RFC3: variants seen among roughly 807,000 people sequenced by gnomAD.
The protein encoded by RFC3 is A1 38 kDa subunit.
Under a neutral mutation model 45.1 loss-of-function variants are expected in RFC3, and 41 were observed. That is an observed-to-expected ratio of 0.91 (90% confidence interval 0.71 to 1.18). The LOEUF is 1.18. Among genes scored for constraint, RFC3 ranks in the 50% most tolerant of loss-of-function variants. RFC3 has a pLI of 0.00. For synonymous variants in RFC3, 149 were observed against 144.0 expected (o/e 1.03, Z -0.25); for missense variants, 423 against 428.1 (o/e 0.99, Z 0.10).
intron 8 of RFC3, among the ~76,000 whole-genome samples, chr13:33,965,849 C>T (rs1248510416): frequency 6.6e-6 from 1 of 152,090 alleles, no homozygotes; most frequent in Non-Finnish European, 1.5e-5. Context: ...TGACATATGC[C>T]CTCAGCTTGA....
rs578245307 is a variant in RFC3 at position 33,836,468 on chromosome 13, A to G, written c.*173A>G. 418 of 1,392,802 alleles carry G rather than the reference A, an allele frequency of 3.0e-4. 1 individual carries two copies. The Middle Eastern group carries it at 3.2e-3, about 11-fold the overall frequency. The allele number at this position is 1,392,802 out of a possible 1,614,324, so 86.3% of individuals were successfully genotyped here. On this transcript the variant is annotated 3_prime_UTR_variant, in exon 9 of 9. Coordinates refer to ENST00000380071, the MANE Select transcript of RFC3 (RefSeq NM_002915.4). ...CTCTGAGTTAAATAATTGCTCCTAT[A>G]CTATTGAAGTATGTAGTTTTGTACA...
intron 8 of RFC3, among the ~76,000 whole-genome samples, chr13:33,913,735 C>T (rs185513060): frequency 1.6e-4 from 24 of 152,174 alleles, no homozygotes; most frequent in African/African-American, 5.8e-4. Flanking sequence ...ATAGTGAGCC[C>T]TCAATCTCTG....
intron 8 of RFC3, among the ~76,000 whole-genome samples, chr13:33,941,987 A>G (rs1457646656): frequency 6.6e-6 from 1 of 152,060 alleles, no homozygotes; most frequent in Admixed American, 6.6e-5. Context: ...CAGTAATATC[A>G]TTTGTTCAGG....
intron 4 of RFC3, 62 bp from the exon 5 acceptor site, chr13:33,829,774 A>G: frequency 7.9e-7 from 1 of 1,266,490 alleles, no homozygotes; most frequent in Non-Finnish European, 1.2e-6. Flanking sequence ...GAAGGAAGAA[A>G]GAGACAAGTT....
chr13:33,881,373 TTGTTG>T (rs1217974476), intron 8 of RFC3, among the ~76,000 whole-genome samples: 4 of 152,206 alleles, frequency 2.6e-5, no homozygotes, highest in African/African-American at 9.6e-5. Context: ...GTCCATGGCA[TTGTTG>T]TAGGCTCTGT....
At chr13:33,877,608 TAA>T (rs1453374395) in intron 8 of RFC3, among the ~76,000 whole-genome samples, 3 of 151,828 alleles carry the variant, frequency 2.0e-5, no homozygotes, top group Non-Finnish European at 4.4e-5. Flanking sequence ...CTGGCATTAA[TAA>T]AAATGAAAAG....
At chr13:33,976,966 T>C in the RFC3 span, among the ~76,000 whole-genome samples, 1 of 152,156 alleles carries the variant, frequency 6.6e-6, no homozygotes, top group African/African-American at 2.4e-5. Context: ...TGAGTCCTGT[T>C]GATTGTGATG....
At chr13:33,876,159 G>A (rs746157946) in intron 8 of RFC3, among the ~76,000 whole-genome samples, 2 of 152,098 alleles carry the variant, frequency 1.3e-5, no homozygotes, top group Non-Finnish European at 2.9e-5. Context: ...CATGCCTGGA[G>A]TAAAGGAAGT....
At chr13:33,845,102 C>T (rs2082227762) in intron 8 of RFC3, among the ~76,000 whole-genome samples, 1 of 152,154 alleles carries the variant, frequency 6.6e-6, no homozygotes, top group African/African-American at 2.4e-5. Flanking sequence ...TATGCCATGC[C>T]ACTCTTTCCT....
At chr13:33,975,636 G>A in the RFC3 span, among the ~76,000 whole-genome samples, 24 of 152,056 alleles carry the variant, frequency 1.6e-4, no homozygotes, top group African/African-American at 5.8e-4. Flanking sequence ...CTCACTGATG[G>A]GCATAGGAGT....
intron 8 of RFC3, among the ~76,000 whole-genome samples, chr13:33,953,806 AT>A (rs2083004684): frequency 6.6e-6 from 1 of 152,204 alleles, no homozygotes; most frequent in South Asian, 2.1e-4. Context: ...ATTGAATGGA[AT>A]TTTGATGCGA....
chr13:33,880,673 T>A (rs2082476986), intron 8 of RFC3, among the ~76,000 whole-genome samples: 1 of 152,188 alleles, frequency 6.6e-6, no homozygotes. Flanking sequence ...AACTCTAGAA[T>A]CGAGACCATG....
intron 8 of RFC3, among the ~76,000 whole-genome samples, chr13:33,962,979 C>A (rs1416164281): frequency 6.6e-6 from 1 of 151,972 alleles, no homozygotes; most frequent in Non-Finnish European, 1.5e-5. Flanking sequence ...CTACTCTAGT[C>A]CTACCCACAG....
chr13:33,851,276 T>C (rs574872033), intron 8 of RFC3, among the ~76,000 whole-genome samples: 29 of 152,344 alleles, frequency 1.9e-4, no homozygotes, highest in African/African-American at 6.7e-4. Flanking sequence ...GTTTATAATA[T>C]AGTTGACCCT....
chr13:33,861,516 G>A (rs946988097), intron 8 of RFC3, among the ~76,000 whole-genome samples: 4 of 151,966 alleles, frequency 2.6e-5, no homozygotes, highest in African/African-American at 9.7e-5. Flanking sequence ...TGTGGTGGTG[G>A]CACCTGTAAT....
intron 8 of RFC3, among the ~76,000 whole-genome samples, chr13:33,893,783 GAAAGA>G (rs2082578530): frequency 6.6e-6 from 1 of 151,910 alleles, no homozygotes; most frequent in South Asian, 2.1e-4. Context: ...TCAAGCAGAA[GAAAGA>G]ATCAGTCACC....
At chr13:33,826,146 T>G (rs1010129431) in intron 4 of RFC3, among the ~76,000 whole-genome samples, 1 of 152,192 alleles carries the variant, frequency 6.6e-6, no homozygotes, top group African/African-American at 2.4e-5. Flanking sequence ...CCGAGTCATA[T>G]GTTCATTATC....
chr13:33,860,602 C>T (rs1347600362), intron 8 of RFC3, among the ~76,000 whole-genome samples: 1 of 152,116 alleles, frequency 6.6e-6, no homozygotes, highest in East Asian at 1.9e-4. Flanking sequence ...ACAATCGACT[C>T]CGCATGTGTC....
chr13:33,861,315 T>C (rs534367991), intron 8 of RFC3, among the ~76,000 whole-genome samples: 3 of 152,184 alleles, frequency 2.0e-5, no homozygotes, highest in Non-Finnish European at 4.4e-5. Flanking sequence ...ATATTAATTG[T>C]TGCTGATTGC....
Sources: allele counts gnomAD v4.1 joint callset (sites outside exome capture counted in the v4.1 genomes callset), GRCh38; gene constraint gnomAD v4.1.1; transcripts MANE v1.5; gene names NCBI Gene and HGNC (gene_info 2026-07-23, HGNC 2026-07-21).